KHDRBS2: variants seen among roughly 807,000 people sequenced by gnomAD.
KHDRBS2 encodes the protein KH domain-containing, RNA-binding, signal transduction-associated protein 2.
KHDRBS2 carries 26 observed loss-of-function variants against 44.3 expected under a neutral mutation model. That is an observed-to-expected ratio of 0.59 (90% confidence interval 0.43 to 0.81). The LOEUF (loss-of-function observed/expected upper bound fraction) is 0.81. KHDRBS2 is among the 40% of genes least tolerant of loss of function. The pLI is 0.00. For synonymous variants in KHDRBS2, 194 were observed against 151.1 expected, an observed-to-expected ratio of 1.28 and a Z score of -2.08; for missense variants, 476 against 433.1, an observed-to-expected ratio of 1.10 and a Z score of -0.88.
At chr6:62,022,242 A>C (rs2127281341) in intron 3 of KHDRBS2, among the ~76,000 whole-genome samples, 1 of 151,844 alleles carries the variant, frequency 6.6e-6, no homozygotes, top group East Asian at 1.9e-4. Context: ...ATAAAGAAGT[A>C]AAAATGTTAA....
chr6:61,580,962 T>C, the KHDRBS2 span, among the ~76,000 whole-genome samples: 1 of 152,160 alleles, frequency 6.6e-6, no homozygotes, highest in Admixed American at 6.6e-5. Flanking sequence ...ATAAAAAATA[T>C]AATACTATGA....
chr6:61,920,259 G>A (rs1024047492), intron 4 of KHDRBS2, among the ~76,000 whole-genome samples: 2 of 151,868 alleles, frequency 1.3e-5, no homozygotes, highest in Middle Eastern at 3.2e-3. Flanking sequence ...GTGGCTTACC[G>A]TGAAATGCTA....
At chr6:61,989,335 G>A (rs1449326906) in intron 3 of KHDRBS2, among the ~76,000 whole-genome samples, 1 of 152,182 alleles carries the variant, frequency 6.6e-6, no homozygotes, top group African/African-American at 2.4e-5. Context: ...CTTTGTGGAT[G>A]TCTTGTTCCA....
the KHDRBS2 span, among the ~76,000 whole-genome samples, chr6:61,637,502 G>C: frequency 1.3e-5 from 2 of 152,048 alleles, no homozygotes; most frequent in Non-Finnish European, 2.9e-5. Context: ...ATATGTGTGC[G>C]TGTGTCTTTA....
At chr6:61,817,589 G>T (rs1582993445) in intron 6 of KHDRBS2, among the ~76,000 whole-genome samples, 1 of 151,938 alleles carries the variant, frequency 6.6e-6, no homozygotes, top group Non-Finnish European at 1.5e-5. Flanking sequence ...AAATACCTTC[G>T]ATTTTGGAGA....
the KHDRBS2 span, among the ~76,000 whole-genome samples, chr6:61,556,285 G>T: frequency 6.6e-6 from 1 of 152,156 alleles, no homozygotes; most frequent in Non-Finnish European, 1.5e-5. Flanking sequence ...TCACACTGGT[G>T]GCAATGGCAG....
intron 3 of KHDRBS2, among the ~76,000 whole-genome samples, chr6:62,039,422 T>C (rs906979689): frequency 3.3e-5 from 5 of 151,914 alleles, no homozygotes; most frequent in Admixed American, 2.6e-4. Flanking sequence ...AGAGAGAGAT[T>C]ATCTGCTAAA....
the KHDRBS2 span, among the ~76,000 whole-genome samples, chr6:61,590,560 TTAAA>T: frequency 6.6e-6 from 1 of 152,208 alleles, no homozygotes; most frequent in Admixed American, 6.5e-5. Context: ...AAGATATAAA[TTAAA>T]TAATCCTGTT....
intron 4 of KHDRBS2, among the ~76,000 whole-genome samples, chr6:61,940,198 C>A (rs1811862486): frequency 1.3e-5 from 2 of 150,460 alleles, no homozygotes; most frequent in South Asian, 2.1e-4. Flanking sequence ...ATATAAATTG[C>A]AGTTAAAAGG....
At chr6:62,078,273 T>C (rs909049582) in intron 2 of KHDRBS2, among the ~76,000 whole-genome samples, 4 of 152,038 alleles carry the variant, frequency 2.6e-5, no homozygotes, top group African/African-American at 9.7e-5. Context: ...TAAAATAATA[T>C]ACAAGTAATA....
At chr6:61,862,380 C>T (rs1473639808) in intron 6 of KHDRBS2, among the ~76,000 whole-genome samples, 1 of 152,124 alleles carries the variant, frequency 6.6e-6, no homozygotes, top group Non-Finnish European at 1.5e-5. Flanking sequence ...TGACAGAGGG[C>T]ATGCTTGTCT....
chr6:62,068,606 C>T (rs374148555), intron 2 of KHDRBS2, among the ~76,000 whole-genome samples: 5 of 151,440 alleles, frequency 3.3e-5, no homozygotes, highest in Non-Finnish European at 5.9e-5. Flanking sequence ...CTATGATTTC[C>T]TACAAGAATC....
At chr6:61,679,209 C>T (rs1377015594), downstream of KHDRBS2, among the ~76,000 whole-genome samples, 1 of 151,902 alleles carries the variant, frequency 6.6e-6, no homozygotes, top group African/African-American at 2.4e-5. Context: ...TCATCCCTAG[C>T]ATCAAGTCTT....
chr6:61,755,139 T>C (rs1423609774), intron 6 of KHDRBS2, among the ~76,000 whole-genome samples: 2 of 152,176 alleles, frequency 1.3e-5, no homozygotes, highest in Non-Finnish European at 2.9e-5. Flanking sequence ...CCATGCAGGA[T>C]ATTATTTTTG....
intron 5 of KHDRBS2, among the ~76,000 whole-genome samples, chr6:61,898,009 C>T (rs1327508434): frequency 1.3e-5 from 2 of 151,960 alleles, no homozygotes; most frequent in Admixed American, 6.6e-5. Context: ...AGATGTAATG[C>T]TTTGTTCTCT....
intron 4 of KHDRBS2, among the ~76,000 whole-genome samples, chr6:61,922,091 T>G (rs1341226540): frequency 6.6e-6 from 1 of 152,060 alleles, no homozygotes; most frequent in African/African-American, 2.4e-5. Context: ...GAATTGCTTA[T>G]CTATATTGAA....
At chr6:62,055,113 T>G (rs1293409478) in intron 2 of KHDRBS2, among the ~76,000 whole-genome samples, 11 of 151,970 alleles carry the variant, frequency 7.2e-5, no homozygotes, top group Non-Finnish European at 1.5e-4. Context: ...AAAATTTGAT[T>G]AAAATTAAGA....
intron 3 of KHDRBS2, among the ~76,000 whole-genome samples, chr6:61,987,139 C>G (rs1775198732): frequency 6.6e-6 from 1 of 152,134 alleles, no homozygotes; most frequent in South Asian, 2.1e-4. Context: ...TAAACTTGGG[C>G]AAGTGACTCC....
At chr6:61,567,997 T>C in the KHDRBS2 span, among the ~76,000 whole-genome samples, 4 of 152,152 alleles carry the variant, frequency 2.6e-5, no homozygotes, top group Non-Finnish European at 5.9e-5. Flanking sequence ...CTTTAATTCA[T>C]CTTGAGTTAA....
Sources: allele counts gnomAD v4.1 joint callset (sites outside exome capture counted in the v4.1 genomes callset), GRCh38; gene constraint gnomAD v4.1.1; transcripts MANE v1.5; gene names NCBI Gene and HGNC (gene_info 2026-07-23, HGNC 2026-07-21).